TRMT44: variants seen among roughly 807,000 people sequenced by gnomAD.
The protein encoded by TRMT44 is probable tRNA (uracil-O(2)-)-methyltransferase.
In TRMT44, 78 loss-of-function variants were observed where a neutral mutation model predicts 77.3. That is an observed-to-expected ratio of 1.01 (90% confidence interval 0.84 to 1.22). The LOEUF (loss-of-function observed/expected upper bound fraction) is 1.22. Among genes scored for constraint, TRMT44 ranks in the 50% most tolerant of loss-of-function variants. The pLI, the probability that TRMT44 is intolerant of heterozygous loss-of-function variation, is 0.00. For synonymous variants in TRMT44, 391 were observed against 383.3 expected (o/e 1.02, Z -0.23); for missense variants, 1,090 against 964.4 (o/e 1.13, Z -1.73).
chr4:8,489,663 A>C (rs916602850), intron 2 of TRMT44, among the ~76,000 whole-genome samples: 3 of 152,112 alleles, frequency 2.0e-5, no homozygotes, highest in African/African-American at 7.2e-5. Context: ...TTTTTAGTAG[A>C]GATGGGGTTT....
chr4:8,466,400 G>C (rs573115424), intron 8 of TRMT44, among the ~76,000 whole-genome samples: 26 of 152,338 alleles, frequency 1.7e-4, no homozygotes, highest in African/African-American at 6.3e-4. Context: ...GTGGGGGCTG[G>C]ACAGGATGAT....
In TRMT44 at chr4:8,452,742, G is replaced by GAA. The variant is rs113210446; in HGVS notation, c.1024-129_1024-128dup. 7.9e-4 allele frequency: 334 copies of GAA among 420,480 alleles called. No individual in the cohort carries two copies. The highest frequency in any genetic ancestry group is 2.0e-3 in the Middle Eastern group (6 of 3,042). 26.0% of individuals were successfully genotyped at this position (420,480 alleles called of 1,614,324 possible). ...AGAGCAACACTCCATCTCAAAAAAA[G>GAA]AAAAAAAAAAAAGAATGTTTAGTGT... On this transcript the variant is annotated intron_variant, in intron 4 of 10. Transcript: ENST00000389737. This position sits in a 1 kb window ranked among gnomAD's most constrained non-coding sequence, Gnocchi z 5.7.
chr4:8,458,503 G>A (rs890998571), intron 6 of TRMT44, among the ~76,000 whole-genome samples: 2 of 139,000 alleles, frequency 1.4e-5, no homozygotes, highest in African/African-American at 2.7e-5. Context: ...TTGCTCTGTC[G>A]CCCAGGCTGG....
rs1259492359 is a variant in TRMT44 at position 8,465,379 on chromosome 4, T to C, written c.1312T>C (p.Ser438Pro). 2 of 1,608,878 alleles carry C rather than the reference T, an allele frequency of 1.2e-6. No individual in the cohort carries two copies. The highest frequency in any genetic ancestry group is 1.7e-6 in the Non-Finnish European group (2 of 1,177,846). The change falls in exon 8 of 11, where the codon TCT (serine) becomes CCT (proline). Residue 438 changes from serine (S) to proline (P), a missense_variant and splice_region_variant. Transcript: ENST00000389737. ...TGTGGTTGTTGGTTCTTTTTGAAGG[T>C]CTTCCTACAATTGCCGCTTCTTTGT... ...TPWIPVIAAR[S>P]SYNCRFFVLP...
rs1255514857 is a variant in TRMT44 at position 8,440,957 on chromosome 4, C to T, written c.135C>T (p.Ala45=). Residue 45 remains alanine, a synonymous_variant, in exon 1 of 11, where the codon GCC becomes GCT. Coordinates refer to ENST00000389737, the MANE Select transcript of TRMT44 (RefSeq NM_152544.3). ...GGCTTTGCGGCGCCCGCCTGGAGGC[C>T]CGCTGGAGCGCCGCCCTGCCCTGCG... ...NKRLCGARLE[A]RWSAALPCAE... 1 of 1,529,168 alleles carries T rather than the reference C, an allele frequency of 6.5e-7. No homozygotes were observed. The highest frequency in any genetic ancestry group is 8.7e-7 in the Non-Finnish European group (1 of 1,145,016). The allele number at this position is 1,529,168 out of a possible 1,614,324, so 94.7% of individuals were successfully genotyped here.
intron 6 of TRMT44, 155 bp downstream of exon 6, chr4:8,454,968 A>C: frequency 2.7e-6 from 2 of 736,432 alleles, no homozygotes; most frequent in Non-Finnish European, 4.6e-6. Flanking sequence ...AGAAGAGAAA[A>C]AGAGACATGA....
At chr4:8,494,494 A>G (rs1357481), downstream of TRMT44, among the ~76,000 whole-genome samples, 114 of 152,164 alleles carry the variant, frequency 7.5e-4, no homozygotes, top group African/African-American at 2.6e-3. Context: ...TGAAAGACTG[A>G]TCGAGGACTC....
At chr4:8,471,296 A>C in intron 10 of TRMT44, 96 bp downstream of exon 10, 2 of 867,018 alleles carry the variant, frequency 2.3e-6, no homozygotes, top group Admixed American at 3.0e-5. Flanking sequence ...AGACTCACTG[A>C]AGAATCTGAC....
chr4:8,501,723 A>G, the TRMT44 span, among the ~76,000 whole-genome samples: 1 of 151,296 alleles, frequency 6.6e-6, no homozygotes, highest in African/African-American at 2.4e-5. This position sits in a 1 kb window ranked among gnomAD's most constrained non-coding sequence, Gnocchi z 4.4. Flanking sequence ...CTTTCTTCTT[A>G]TGGGGAGCTA....
In TRMT44 at chr4:8,450,796, T is replaced by G. The variant is rs796211409; in HGVS notation, c.954+908T>G. Among the ~76,000 whole-genome samples the G allele has an allele frequency of 7.4e-3, 1,070 of 143,912 alleles. 18 individuals are homozygous for G. The highest frequency in any genetic ancestry group is 0.027 in the African/African-American group (1,027 of 38,266). The allele number at this position is 143,912 out of a possible 152,430, so 94.4% of individuals were successfully genotyped here. On this transcript the variant is annotated intron_variant, in intron 3 of 10. Transcript: ENST00000389737. ...ACCACAATTTGTCATTTCCATGTTT[T>G]TTTTTTTTTTTTTTTTTTTGAGACA...
In TRMT44 at chr4:8,447,136, A is replaced by T. The variant is rs901813926; in HGVS notation, c.734+546A>T. On this transcript the variant is annotated intron_variant, in intron 2 of 10. Transcript: ENST00000389737. ...GGTGATCCACCTGCCTTGGCCTCCC[A>T]AAGTGCTGAGATTTCAGGCATGAGC... Among the ~76,000 whole-genome samples the T allele has an allele frequency of 3.3e-5, 5 of 152,124 alleles. 1 individual carries two copies. The highest frequency in any genetic ancestry group is 3.3e-4 in the Admixed American group (5 of 15,268).
chr4:8,491,904 G>T (rs751926807), intron 2 of TRMT44, among the ~76,000 whole-genome samples: 8 of 152,260 alleles, frequency 5.3e-5, no homozygotes, highest in African/African-American at 9.6e-5. Context: ...GCCAAAGTGG[G>T]AGCCCAGGCA....
intron 10 of TRMT44, chr4:8,473,581 T>C (rs1727170682): frequency 6.6e-6 from 1 of 152,504 alleles, no homozygotes; most frequent in Admixed American, 6.5e-5. Context: ...GTCTGTCTGC[T>C]GTCAGAAGCA....
In TRMT44 at chr4:8,459,274, G is replaced by A. The variant is rs576267205; in HGVS notation, c.1203+4461G>A. 9.8e-5 allele frequency among the ~76,000 whole-genome samples: 15 copies of A among 152,320 alleles called. No individual in the cohort carries two copies. The South Asian group carries it at 3.1e-3, about 32-fold the overall frequency. On this transcript the variant is annotated intron_variant, in intron 6 of 10. Coordinates refer to ENST00000389737, the MANE Select transcript of TRMT44 (RefSeq NM_152544.3). ...CCCCCAACCCCCACTTTGTTCAAGG[G>A]CCAGCTGTATAGTAATAAAAACTGA...
At chr4:8,515,810 G>A in the TRMT44 span, among the ~76,000 whole-genome samples, 2 of 152,228 alleles carry the variant, frequency 1.3e-5, no homozygotes, top group Admixed American at 6.5e-5. Context: ...GTGACATGGG[G>A]CTGGTTCAGG....
At position 8,486,680 on chromosome 4, in the gene TRMT44, T is replaced by C. The variant is rs570735271; in HGVS notation, n.3892-6586T>C. 4.6e-5 allele frequency among the ~76,000 whole-genome samples: 7 copies of C among 152,308 alleles called. No homozygotes were observed. The South Asian group carries it at 1.5e-3, about 32-fold the overall frequency. On this transcript the variant is annotated intron_variant and non_coding_transcript_variant, in intron 2 of 2. Transcript: ENST00000511366. ...ATTTGATGAAAAAGAGCCTAAACGCTATCTGATTTGGGATAAAGAAAAAGG... is the reference window on the plus strand; with the variant it reads ...ATTTGATGAAAAAGAGCCTAAACGCCATCTGATTTGGGATAAAGAAAAAGG...
At chr4:8,507,793 C>G in the TRMT44 span, among the ~76,000 whole-genome samples, 1 of 152,206 alleles carries the variant, frequency 6.6e-6, no homozygotes, top group Non-Finnish European at 1.5e-5. Flanking sequence ...TCACCCCTGC[C>G]CCGTCCCCCA....
At chr4:8,474,906 A>G (rs1023378099) in intron 10 of TRMT44, among the ~76,000 whole-genome samples, 2 of 152,192 alleles carry the variant, frequency 1.3e-5, no homozygotes, top group Non-Finnish European at 2.9e-5. Context: ...GCGGGCCCAC[A>G]GCAGCCCTCT....
the TRMT44 span, among the ~76,000 whole-genome samples, chr4:8,502,817 G>T: frequency 2.0e-5 from 3 of 152,280 alleles, no homozygotes; most frequent in Middle Eastern, 3.4e-3. Context: ...CCCAGATCCC[G>T]CTTACACTCA....
Sources: allele counts gnomAD v4.1 joint callset (sites outside exome capture counted in the v4.1 genomes callset), GRCh38; gene constraint gnomAD v4.1.1; non-coding constraint Gnocchi (gnomAD v3.1); transcripts MANE v1.5; gene names NCBI Gene and HGNC (gene_info 2026-07-23, HGNC 2026-07-21).